The following PACS2 variants were observed in gnomAD, a reference collection of about 807,000 sequenced individuals.
The protein encoded by PACS2 is phosphofurin acidic cluster sorting protein 2.
PACS2 carries 36 observed loss-of-function variants against 113.0 expected under a neutral mutation model. The ratio of observed to expected loss-of-function variants is 0.32; its 90% CI spans 0.24 to 0.42. The LOEUF (loss-of-function observed/expected upper bound fraction) is 0.42, where lower values mean the gene tolerates loss of function less well. Among genes scored for constraint, PACS2 ranks in the 10% least tolerant of loss-of-function variants. PACS2 has a pLI of 1.00. For synonymous variants in PACS2, 589 were observed against 536.1 expected (o/e 1.10, Z -1.36); for missense variants, 1,015 against 1,239.5 (o/e 0.82, Z 2.72).
intron 1 of PACS2, among the ~76,000 whole-genome samples, chr14:105,316,979 T>TA (rs889105603): frequency 2.6e-5 from 4 of 152,212 alleles, no homozygotes; most frequent in African/African-American, 9.6e-5. Context: ...CTCCTGCCCT[T>TA]ACCTGTCCTG....
intron 1 of PACS2, among the ~76,000 whole-genome samples, chr14:105,307,288 T>C (rs751479368): frequency 3.3e-5 from 5 of 152,202 alleles, no homozygotes; most frequent in African/African-American, 4.8e-5. Flanking sequence ...TCCTGAACAC[T>C]AGCCCCCTGC....
chr14:105,328,991 G>T (rs1052983227), intron 1 of PACS2, among the ~76,000 whole-genome samples: 7 of 152,206 alleles, frequency 4.6e-5, no homozygotes, highest in African/African-American at 7.2e-5. Flanking sequence ...AATTATAGGC[G>T]CTCTAGGCAT....
chr14:105,348,599 C>CAGCCA lies in PACS2; in HGVS notation c.207+19_207+20insAGCCA. 1 of 1,571,904 alleles carries CAGCCA rather than the reference C, an allele frequency of 6.4e-7. No homozygotes were observed. Among genetic ancestry groups the CAGCCA allele is most frequent in the Non-Finnish European group, 8.7e-7 (1 of 1,144,192 alleles). On this transcript the variant is annotated intron_variant, in intron 2 of 24. Coordinates refer to ENST00000447393, the MANE Select transcript of PACS2 (RefSeq NM_001100913.3). This position sits in a 1 kb window ranked among gnomAD's most constrained non-coding sequence, Gnocchi z 6.4. ...GATGCAGGTGAGGCCGCTTGTGACC[C>CAGCCA]CGGCTGTGGCTGGGTGCTGTGTAGG...
intron 3 of PACS2, among the ~76,000 whole-genome samples, chr14:105,352,994 C>T (rs1333763203): frequency 2.9e-4 from 29 of 100,824 alleles, no homozygotes; most frequent in Admixed American, 4.2e-4. Context: ...CCTGGGGTGA[C>T]GGGCCCCCTC....
chr14:105,300,781 C>G, exon 1 of PACS2: 2 of 465,108 alleles, frequency 4.3e-6, no homozygotes, highest in Non-Finnish European at 6.1e-6. Flanking sequence ...GCCGCAGATT[C>G]GCCGCGCGCG....
At chr14:105,394,408 G>A in intron 24 of PACS2, 146 bp from the exon 25 acceptor site, 1 of 1,458,854 alleles carries the variant, frequency 6.9e-7, no homozygotes, top group Non-Finnish European at 9.1e-7. Flanking sequence ...CCGAGTCCCT[G>A]AGGAAAGTGT....
rs1555417508 is a variant in PACS2, at chr14:105,398,024, T to G, written c.*3352T>G. On this transcript the variant is annotated 3_prime_UTR_variant, in exon 25 of 25. Coordinates refer to ENST00000447393, the MANE Select transcript of PACS2 (RefSeq NM_001100913.3). ...TCTAGGATGTATGTGTTGCTAGTTT[T>G]TTTTAATGAAACCCTGGATTAATGT... The G allele has an allele frequency of 6.6e-6, 1 of 152,278 alleles. No individual in the cohort carries two copies. The highest frequency in any genetic ancestry group is 2.4e-5 in the African/African-American group (1 of 41,470). 9.4% of individuals were successfully genotyped at this position (152,278 alleles called of 1,614,324 possible).
chr14:105,336,916 C>T (rs141868609), intron 1 of PACS2, among the ~76,000 whole-genome samples: 40 of 152,232 alleles, frequency 2.6e-4, no homozygotes, highest in African/African-American at 9.4e-4. Context: ...GCAGGGCCTC[C>T]AGGGGAGATC....
chr14:105,333,077 G>A (rs2059364699), intron 1 of PACS2, among the ~76,000 whole-genome samples: 1 of 151,290 alleles, frequency 6.6e-6, no homozygotes, highest in East Asian at 1.9e-4. Context: ...GGCCCATGTA[G>A]ACCAACTGGC....
chr14:105,392,862 T>C lies in PACS2; in HGVS notation c.2482+17T>C, dbSNP rs2081405067. ...ACAAGAAGGGTGAGGTGGGGCAGGC[T>C]ATAAGGCCACACGGCGCAGAAGGGC... On this transcript the variant is annotated intron_variant, in intron 23 of 24. Transcript: ENST00000447393. 1 of 1,566,068 alleles carries C rather than the reference T, an allele frequency of 6.4e-7. No homozygotes were observed. Among genetic ancestry groups the C allele is most frequent in the Admixed American group, 1.7e-5 (1 of 59,914 alleles).
chr14:105,313,090 G>A (rs2058392073), upstream of PACS2, among the ~76,000 whole-genome samples: 1 of 152,212 alleles, frequency 6.6e-6, no homozygotes, highest in South Asian at 2.1e-4. Context: ...AAGCCCTGCT[G>A]TGCACGGCTT....
rs782716798 is a variant in PACS2 at position 105,368,615 on chromosome 14, G to C, written c.741+76G>C. Reference sequence around the variant, plus strand: ...GACGCTGGGAGCCTGGGCGTGGGGGGGACACGGGCGTGGGAAGTGAGATCT... The same window carrying C: ...GACGCTGGGAGCCTGGGCGTGGGGGCGACACGGGCGTGGGAAGTGAGATCT... On this transcript the variant is annotated intron_variant, in intron 7 of 24. Transcript: ENST00000447393. The C allele has an allele frequency of 1.3e-5, 14 of 1,114,044 alleles. No homozygotes were observed. In the Admixed American group the frequency reaches 2.4e-4, roughly 19 times the overall value. The allele number at this position is 1,114,044 out of a possible 1,614,324, so 69.0% of individuals were successfully genotyped here.
At chr14:105,385,761 C>CTGG in intron 19 of PACS2, 44 bp downstream of exon 19, 1 of 1,344,716 alleles carries the variant, frequency 7.4e-7, no homozygotes, top group South Asian at 1.4e-5. Context: ...TGTCCCCAGG[C>CTGG]TGGTCTTCAG....
intron 1 of PACS2, among the ~76,000 whole-genome samples, chr14:105,302,391 C>T (rs1202248848): frequency 1.3e-5 from 2 of 150,660 alleles, no homozygotes; most frequent in African/African-American, 2.4e-5. Flanking sequence ...TTAGTAGAGA[C>T]GGGGTTTCTC....
At chr14:105,392,456 A>G (rs1566972806) in intron 22 of PACS2, 163 bp from the exon 23 acceptor site, 1 of 623,646 alleles carries the variant, frequency 1.6e-6, no homozygotes, top group East Asian at 2.7e-5. Flanking sequence ...GTGACTGGGC[A>G]TGTGAACAGC....
intron 1 of PACS2, among the ~76,000 whole-genome samples, chr14:105,319,352 G>A (rs587614580): frequency 1.3e-5 from 2 of 152,358 alleles, no homozygotes; most frequent in South Asian, 4.1e-4. Context: ...GTGGTACTGA[G>A]TCTTCTCATT....
At chr14:105,369,634 C>G (rs2061076414) in intron 7 of PACS2, among the ~76,000 whole-genome samples, 1 of 152,218 alleles carries the variant, frequency 6.6e-6, no homozygotes, top group Non-Finnish European at 1.5e-5. Context: ...CTCCCCGGGT[C>G]CCCCTTGGCC....
rs1265504324 is a variant in PACS2, at chr14:105,391,189, G to A, written c.2077-18G>A. On this transcript the variant is annotated intron_variant, in intron 20 of 24. Transcript: ENST00000447393. Reference sequence around the variant, plus strand: ...TGAATTGCACGGCTTTCACCAGCCAGTGCCTGTTGTTTTCTAGGTTGTGAA... The same window carrying A: ...TGAATTGCACGGCTTTCACCAGCCAATGCCTGTTGTTTTCTAGGTTGTGAA... 8 of 1,609,244 alleles carry A rather than the reference G, an allele frequency of 5.0e-6. No individual in the cohort carries two copies. The highest frequency in any genetic ancestry group is 6.8e-6 in the Non-Finnish European group (8 of 1,175,820).
chr14:105,341,155 C>A (rs1447577849), intron 1 of PACS2, among the ~76,000 whole-genome samples: 1 of 152,220 alleles, frequency 6.6e-6, no homozygotes, highest in Non-Finnish European at 1.5e-5. Context: ...CAAATAGATC[C>A]CAAGTGTAGA....
Sources: allele counts gnomAD v4.1 joint callset (sites outside exome capture counted in the v4.1 genomes callset), GRCh38; gene constraint gnomAD v4.1.1; non-coding constraint Gnocchi (gnomAD v3.1); transcripts MANE v1.5; gene names NCBI Gene and HGNC (gene_info 2026-07-23, HGNC 2026-07-21).